The following RBFOX1 variants were observed in gnomAD, a reference collection of about 807,000 sequenced individuals.
RBFOX1 encodes the protein RNA binding fox-1 homolog 1.
A neutral mutation model predicts 57.7 loss-of-function variants in RBFOX1; 8 were observed. That is an observed-to-expected ratio of 0.14 (90% CI 0.08 to 0.25). The LOEUF is 0.25. RBFOX1 is among the 10% of genes least tolerant of loss of function. RBFOX1 has a pLI of 1.00. For synonymous variants in RBFOX1, 326 were observed against 222.4 expected (o/e 1.47, Z -4.15); for missense variants, 611 against 548.5 (o/e 1.11, Z -1.14).
At chr16:5,276,859 A>G (rs1342624847) in intron 1 of RBFOX1, among the ~76,000 whole-genome samples, 3 of 152,200 alleles carry the variant, frequency 2.0e-5, no homozygotes, top group Admixed American at 6.6e-5. Flanking sequence ...GTAAGCTAGT[A>G]CCATCACTAT....
At chr16:7,437,323 G>C (rs2098730837) in intron 4 of RBFOX1, among the ~76,000 whole-genome samples, 1 of 151,808 alleles carries the variant, frequency 6.6e-6, no homozygotes, top group Non-Finnish European at 1.5e-5. Context: ...TTTGAGGGTG[G>C]GGGAGGAGTA....
chr16:6,337,101 T>G (rs1180745330), intron 2 of RBFOX1, among the ~76,000 whole-genome samples: 1 of 152,214 alleles, frequency 6.6e-6, no homozygotes, highest in Non-Finnish European at 1.5e-5. Flanking sequence ...GACAGTTTAT[T>G]TCCATGGAGG....
intron 4 of RBFOX1, among the ~76,000 whole-genome samples, chr16:7,269,436 C>T (rs56745621): frequency 1.3e-5 from 2 of 151,870 alleles, no homozygotes; most frequent in Admixed American, 1.3e-4. Flanking sequence ...TTTGGGGTCT[C>T]TGTGTGTGTG....
In RBFOX1 at chr16:6,380,543, G is replaced by A. The variant is rs2091706073; in HGVS notation, c.-64+63486G>A. On this transcript the variant is annotated intron_variant, in intron 2 of 15. Coordinates refer to ENST00000550418, the MANE Select transcript of RBFOX1 (RefSeq NM_018723.4). ...AAAGGAAGGTGAGTTGAAGTTCTGG[G>A]GGGAAAATAAATGGCAGGTAAAGTT... Among the ~76,000 whole-genome samples, 4 of 150,946 alleles carry A rather than the reference G, an allele frequency of 2.6e-5. No individual in the cohort carries two copies. The South Asian group carries it at 8.4e-4, about 32-fold the overall frequency.
rs144470542 is a variant in RBFOX1, at chr16:6,837,517, G to A, written c.-16+182867G>A. On this transcript the variant is annotated intron_variant, in intron 3 of 15. Coordinates refer to ENST00000550418, the MANE Select transcript of RBFOX1 (RefSeq NM_018723.4). Reference sequence around the variant, plus strand: ...ACATAACCATGTCCTATGCAGTACCGGGTAATTGGGAAGACTATAATAAAA... The same window carrying A: ...ACATAACCATGTCCTATGCAGTACCAGGTAATTGGGAAGACTATAATAAAA... Among the ~76,000 whole-genome samples, 58 of 152,284 alleles carry A rather than the reference G, an allele frequency of 3.8e-4. 1 individual carries two copies. Among genetic ancestry groups the A allele is most frequent in the East Asian group, 1.2e-3 (6 of 5,172 alleles).
intron 1 of RBFOX1, chr16:6,059,382 C>A (rs1044523660): frequency 6.6e-6 from 1 of 151,944 alleles, no homozygotes; most frequent in Non-Finnish European, 1.5e-5. Context: ...ATAGAGATGA[C>A]CTAATCAAAA....
At chr16:5,787,760 C>T (rs761885246) in intron 3 of RBFOX1, among the ~76,000 whole-genome samples, 13 of 152,286 alleles carry the variant, frequency 8.5e-5, no homozygotes, top group Admixed American at 5.2e-4. Flanking sequence ...GAGTTTGGAA[C>T]AGTCAAGCCT....
rs548045845 is a variant in RBFOX1 at position 7,593,458 on chromosome 16, A to T, written c.469-2091A>T. Among the ~76,000 whole-genome samples, 97 of 152,318 alleles carry T rather than the reference A, an allele frequency of 6.4e-4. 1 individual carries two copies. Among genetic ancestry groups the T allele is most frequent in the South Asian group, 1.0e-3 (5 of 4,826 alleles). On this transcript the variant is annotated intron_variant, in intron 7 of 15. Coordinates refer to ENST00000550418, the MANE Select transcript of RBFOX1 (RefSeq NM_018723.4). ...CCAATATGGGCATACTTTGTGCACA[A>T]GACTAAGCAAGACCCTTCTGTTATG...
chr16:6,445,561 C>CTTT (rs374322471), intron 2 of RBFOX1, among the ~76,000 whole-genome samples: 2 of 114,862 alleles, frequency 1.7e-5, no homozygotes, highest in African/African-American at 3.4e-5. Flanking sequence ...CTCTGAACTC[C>CTTT]TTTTTTTTTT....
chr16:5,270,174 A>G (rs948099388), intron 1 of RBFOX1: 2 of 394,690 alleles, frequency 5.1e-6, no homozygotes, highest in Non-Finnish European at 9.5e-6. Flanking sequence ...GAGCAGCACC[A>G]TGGCGGTTGT....
chr16:7,204,752 T>A (rs2089553455), intron 4 of RBFOX1, among the ~76,000 whole-genome samples: 1 of 152,156 alleles, frequency 6.6e-6, no homozygotes, highest in Non-Finnish European at 1.5e-5. Context: ...TCTCCTTTTC[T>A]CCCCCTCTCC....
chr16:6,659,423 A>C (rs1162724449), intron 3 of RBFOX1, among the ~76,000 whole-genome samples: 1 of 152,162 alleles, frequency 6.6e-6, no homozygotes, highest in African/African-American at 2.4e-5. Context: ...TGTGGTTAAC[A>C]CTGAGAGTTC....
At chr16:7,407,245 G>C (rs1021307149) in intron 4 of RBFOX1, among the ~76,000 whole-genome samples, 3 of 152,142 alleles carry the variant, frequency 2.0e-5, no homozygotes, top group African/African-American at 4.8e-5. Context: ...TGAGGATTAG[G>C]ACATGAGCAT....
chr16:6,608,424 G>A (rs528112721), intron 2 of RBFOX1, among the ~76,000 whole-genome samples: 51 of 152,182 alleles, frequency 3.4e-4, no homozygotes, highest in African/African-American at 1.2e-3. Context: ...TGCAAAATGG[G>A]GATAACAGTT....
chr16:7,559,600 G>A (rs370589809), intron 5 of RBFOX1, among the ~76,000 whole-genome samples: 1 of 152,196 alleles, frequency 6.6e-6, no homozygotes, highest in South Asian at 2.1e-4. Flanking sequence ...CCCAATCCAA[G>A]GCTTGCACTC....
At chr16:6,886,893 G>C (rs1036752979) in intron 3 of RBFOX1, among the ~76,000 whole-genome samples, 3 of 152,128 alleles carry the variant, frequency 2.0e-5, no homozygotes, top group African/African-American at 4.8e-5. Context: ...TGTTGCATTA[G>C]GTCACTTAGC....
chr16:7,249,639 G>A (rs1027808959), intron 4 of RBFOX1, among the ~76,000 whole-genome samples: 1 of 150,604 alleles, frequency 6.6e-6, no homozygotes, highest in African/African-American at 2.4e-5. Flanking sequence ...TGAAAGGGCT[G>A]AAGAATAAAA....
At chr16:6,220,352 A>G (rs533363139) in intron 1 of RBFOX1, among the ~76,000 whole-genome samples, 1 of 152,274 alleles carries the variant, frequency 6.6e-6, no homozygotes, top group African/African-American at 2.4e-5. Context: ...CCACCCCTTT[A>G]TTCTTTAAGA....
At chr16:5,550,934 C>A (rs1412079934) in intron 2 of RBFOX1, among the ~76,000 whole-genome samples, 3 of 152,182 alleles carry the variant, frequency 2.0e-5, no homozygotes, top group Admixed American at 2.0e-4. Context: ...TCTTGGAAAC[C>A]ACAGCTGATG....
Sources: gnomAD v4.1 joint callset for allele counts (sites outside exome capture counted in the v4.1 genomes callset) on GRCh38, gnomAD v4.1.1 for gene constraint, MANE v1.5 for transcripts, NCBI Gene and HGNC (gene_info 2026-07-23, HGNC 2026-07-21) for gene names.